The following DPP10 variants were observed in gnomAD, a reference collection of about 807,000 sequenced individuals.
DPP10 encodes inactive dipeptidyl peptidase 10.
DPP10 carries 33 observed loss-of-function variants against 120.9 expected under a neutral mutation model. That is an observed-to-expected ratio of 0.27 (90% CI 0.21 to 0.37). The LOEUF is 0.37. Ranked by LOEUF, DPP10 falls within the 10% of genes least tolerant of loss-of-function variation. DPP10 has a pLI of 1.00. For synonymous variants in DPP10, 337 were observed against 326.1 expected (o/e 1.03, Z -0.36); for missense variants, 816 against 942.8 (o/e 0.87, Z 1.76).
rs76620257 is a variant in DPP10 at position 114,468,829 on chromosome 2, T to G, written c.60+25991T>G. On this transcript the variant is annotated intron_variant, in intron 1 of 25. Coordinates refer to ENST00000410059, the MANE Select transcript of DPP10 (RefSeq NM_020868.6). Reference sequence around the variant, plus strand: ...AATACTTTCACAGCACTTGAGAAGTTAATGAAATCATATCATTGAAATATC... The same window carrying G: ...AATACTTTCACAGCACTTGAGAAGTGAATGAAATCATATCATTGAAATATC... Among the ~76,000 whole-genome samples, 885 of 152,320 alleles carry G rather than the reference T, an allele frequency of 5.8e-3. 7 individuals are homozygous for G. The highest frequency in any genetic ancestry group is 0.019 in the African/African-American group (806 of 41,570).
At chr2:115,607,220 A>G (rs2083759545) in intron 5 of DPP10, among the ~76,000 whole-genome samples, 1 of 152,208 alleles carries the variant, frequency 6.6e-6, no homozygotes. Context: ...ATTTTTGGCA[A>G]AGGCATAACT....
chr2:115,504,934 G>A (rs1388031142), intron 4 of DPP10, among the ~76,000 whole-genome samples: 1 of 152,088 alleles, frequency 6.6e-6, no homozygotes, highest in Non-Finnish European at 1.5e-5. Context: ...TTGCAAGTGT[G>A]ACAGGATTAC....
At chr2:115,388,207 A>T (rs1422052392) in intron 3 of DPP10, among the ~76,000 whole-genome samples, 2 of 152,190 alleles carry the variant, frequency 1.3e-5, no homozygotes, top group Admixed American at 6.5e-5. Context: ...TAAGATTTTG[A>T]TTTGTAGGGT....
chr2:114,913,096 C>T (rs962300341), intron 1 of DPP10, among the ~76,000 whole-genome samples: 8 of 152,130 alleles, frequency 5.3e-5, no homozygotes, highest in Non-Finnish European at 8.8e-5. Context: ...CTGCTTGCAG[C>T]GCAGCCTCAG....
At chr2:114,691,780 G>T (rs1480542033) in intron 1 of DPP10, among the ~76,000 whole-genome samples, 1 of 151,930 alleles carries the variant, frequency 6.6e-6, no homozygotes, top group African/African-American at 2.4e-5. Context: ...GATCTATTCA[G>T]GGATTCAGTT....
intron 5 of DPP10, among the ~76,000 whole-genome samples, chr2:115,565,896 C>T (rs1266993748): frequency 6.6e-6 from 1 of 151,802 alleles, no homozygotes; most frequent in Non-Finnish European, 1.5e-5. Flanking sequence ...AGTGATTCTC[C>T]TGCCTCAGCC....
intron 5 of DPP10, among the ~76,000 whole-genome samples, chr2:115,544,935 AC>A: frequency 1.3e-5 from 2 of 152,134 alleles, no homozygotes; most frequent in South Asian, 4.1e-4. Context: ...GTTTTTCTTG[AC>A]TGCTGCCTAA....
At chr2:114,600,927 G>A (rs1355808969) in intron 1 of DPP10, among the ~76,000 whole-genome samples, 2 of 151,718 alleles carry the variant, frequency 1.3e-5, no homozygotes, top group Admixed American at 6.6e-5. Flanking sequence ...AAGAAAGAGA[G>A]GAAGAAGAAA....
At chr2:115,826,430 A>C (rs114350074) in intron 21 of DPP10, among the ~76,000 whole-genome samples, 1,965 of 152,232 alleles carry the variant, frequency 0.013, 44 homozygotes, top group African/African-American at 0.042. Context: ...TATTGTTAAG[A>C]AATGACCTTG....
At chr2:114,554,519 G>A (rs1021174438) in intron 1 of DPP10, among the ~76,000 whole-genome samples, 4 of 152,196 alleles carry the variant, frequency 2.6e-5, no homozygotes, top group Non-Finnish European at 4.4e-5. Context: ...AACAGTCCGC[G>A]TGGGAGGAGA....
chr2:114,663,671 A>ATATATATATATG (rs1341152871), intron 1 of DPP10, among the ~76,000 whole-genome samples: 23 of 139,914 alleles, frequency 1.6e-4, no homozygotes, highest in African/African-American at 5.7e-4. Context: ...ATATATATAG[A>ATATATATATATG]GAGAGAGAGA....
chr2:114,869,897 T>C (rs1032344644), intron 1 of DPP10, among the ~76,000 whole-genome samples: 4 of 152,182 alleles, frequency 2.6e-5, no homozygotes, highest in African/African-American at 9.6e-5. Flanking sequence ...CTGTATGGAC[T>C]TGGGCAACTT....
At chr2:115,422,071 A>G (rs2070023760) in intron 3 of DPP10, among the ~76,000 whole-genome samples, 1 of 152,018 alleles carries the variant, frequency 6.6e-6, no homozygotes, top group East Asian at 1.9e-4. Flanking sequence ...TGACTGCTCC[A>G]CGGCAAGCCA....
At chr2:115,534,264 C>T (rs1222821200) in intron 5 of DPP10, among the ~76,000 whole-genome samples, 7 of 152,044 alleles carry the variant, frequency 4.6e-5, no homozygotes, top group African/African-American at 9.7e-5. Context: ...TCCCCACTCC[C>T]GGCACCCCAC....
At chr2:114,617,891 G>T (rs1693794660) in intron 1 of DPP10, among the ~76,000 whole-genome samples, 1 of 152,080 alleles carries the variant, frequency 6.6e-6, no homozygotes, top group South Asian at 2.1e-4. Context: ...GATTAAATCA[G>T]TCCAGGCAGT....
At chr2:114,866,047 G>T (rs965206815) in intron 1 of DPP10, among the ~76,000 whole-genome samples, 1 of 151,844 alleles carries the variant, frequency 6.6e-6, no homozygotes, top group Admixed American at 6.6e-5. Context: ...GGGGGGCGGA[G>T]GTTGCAGTGA....
intron 1 of DPP10, among the ~76,000 whole-genome samples, chr2:115,227,662 G>T (rs2057503635): frequency 6.6e-6 from 1 of 152,080 alleles, no homozygotes; most frequent in South Asian, 2.1e-4. Flanking sequence ...AATAAAATCA[G>T]ACAATATGTA....
At chr2:115,074,205 A>C (rs1707604133) in intron 1 of DPP10, among the ~76,000 whole-genome samples, 1 of 152,010 alleles carries the variant, frequency 6.6e-6, no homozygotes, top group South Asian at 2.1e-4. Flanking sequence ...TTTCAGAAAT[A>C]AGGAATCTGC....
chr2:115,750,122 T>C, intron 10 of DPP10: 1 of 985,368 alleles, frequency 1.0e-6, no homozygotes, highest in Non-Finnish European at 1.2e-6. Flanking sequence ...AGATCTAATG[T>C]GTTCATGAGA....
Sources: gnomAD v4.1 joint callset for allele counts (sites outside exome capture counted in the v4.1 genomes callset) on GRCh38, gnomAD v4.1.1 for gene constraint, MANE v1.5 for transcripts, NCBI Gene and HGNC (gene_info 2026-07-23, HGNC 2026-07-21) for gene names.